The following EDIL3 variants were observed in gnomAD, a reference collection of about 807,000 sequenced individuals.
EDIL3 encodes EGF-like repeat and discoidin I-like domain-containing protein 3.
EDIL3 carries 37 observed loss-of-function variants against 67.4 expected under a neutral mutation model. The observed-to-expected ratio is 0.55, with a 90% confidence interval of 0.42 to 0.72. EDIL3 has a LOEUF of 0.72. Ranked by LOEUF, EDIL3 falls within the 30% of genes least tolerant of loss-of-function variation. The pLI is 0.00. For synonymous variants in EDIL3, 195 were observed against 196.3 expected (o/e 0.99, Z 0.05); for missense variants, 527 against 586.3 (o/e 0.90, Z 1.04).
intron 9 of EDIL3, among the ~76,000 whole-genome samples, chr5:84,002,837 A>T (rs1745354357): frequency 6.6e-6 from 1 of 152,176 alleles, no homozygotes; most frequent in East Asian, 1.9e-4. Flanking sequence ...TAGTAGGCCA[A>T]AGGTACTCTC....
intron 1 of EDIL3, among the ~76,000 whole-genome samples, chr5:84,302,215 C>CT (rs546356805): frequency 3.3e-5 from 5 of 151,860 alleles, no homozygotes; most frequent in South Asian, 2.1e-4. Flanking sequence ...TGTTTTATTG[C>CT]TTTTTTTTCT....
At chr5:84,202,063 A>G (rs1743853114) in intron 3 of EDIL3, among the ~76,000 whole-genome samples, 1 of 152,210 alleles carries the variant, frequency 6.6e-6, no homozygotes, top group African/African-American at 2.4e-5. Flanking sequence ...CAGTTCTTAA[A>G]TACACATGGT....
chr5:84,316,207 G>T (rs1746509101), intron 1 of EDIL3, among the ~76,000 whole-genome samples: 1 of 151,998 alleles, frequency 6.6e-6, no homozygotes, highest in South Asian at 2.1e-4. Flanking sequence ...ATCAACTAAT[G>T]GGCAAAATAG....
At chr5:84,018,240 G>A (rs1330924390) in intron 9 of EDIL3, among the ~76,000 whole-genome samples, 5 of 152,152 alleles carry the variant, frequency 3.3e-5, no homozygotes, top group Admixed American at 6.6e-5. Flanking sequence ...ACATCTAGGT[G>A]TGATTCTCTT....
At chr5:84,119,852 T>A (rs138201474) in intron 5 of EDIL3, among the ~76,000 whole-genome samples, 2 of 151,992 alleles carry the variant, frequency 1.3e-5, no homozygotes, top group African/African-American at 2.4e-5. Context: ...TCCCCCCAAA[T>A]TGAATAATAC....
chr5:84,064,407 A>T (rs777102844), intron 8 of EDIL3, among the ~76,000 whole-genome samples: 1 of 152,172 alleles, frequency 6.6e-6, no homozygotes, highest in African/African-American at 2.4e-5. Flanking sequence ...TATGCAAAAC[A>T]ATGAGACACA....
At chr5:84,153,342 G>A (rs1748431106) in intron 4 of EDIL3, among the ~76,000 whole-genome samples, 1 of 152,026 alleles carries the variant, frequency 6.6e-6, no homozygotes, top group South Asian at 2.1e-4. Flanking sequence ...TGTCACCCAG[G>A]CTGGAGTGCA....
chr5:83,979,663 A>AT (rs1744935833), intron 9 of EDIL3, among the ~76,000 whole-genome samples: 2 of 152,226 alleles, frequency 1.3e-5, no homozygotes, highest in Non-Finnish European at 2.9e-5. Context: ...GAACGTTTAT[A>AT]TTTTTTAACT....
intron 8 of EDIL3, among the ~76,000 whole-genome samples, chr5:84,062,036 G>A (rs1746553084): frequency 1.3e-5 from 2 of 151,986 alleles, no homozygotes; most frequent in South Asian, 2.1e-4. Context: ...TCTAGGAAAT[G>A]CATATCCTAT....
intron 1 of EDIL3, among the ~76,000 whole-genome samples, chr5:84,312,404 C>T (rs1477736849): frequency 2.8e-5 from 4 of 145,420 alleles, no homozygotes; most frequent in Admixed American, 6.7e-5. Flanking sequence ...ACCACCCTCC[C>T]GGACGGGGCG....
intron 1 of EDIL3, among the ~76,000 whole-genome samples, chr5:84,376,149 A>G (rs1436006151): frequency 6.6e-6 from 1 of 152,188 alleles, no homozygotes; most frequent in Non-Finnish European, 1.5e-5. Context: ...TTTCTCATTT[A>G]TATTTCAATA....
At chr5:84,229,599 A>C (rs1744525303) in intron 3 of EDIL3, among the ~76,000 whole-genome samples, 1 of 151,810 alleles carries the variant, frequency 6.6e-6, no homozygotes, top group Non-Finnish European at 1.5e-5. Flanking sequence ...CTTTAATGTC[A>C]ATGTGCTATT....
intron 6 of EDIL3, among the ~76,000 whole-genome samples, chr5:84,097,591 T>A (rs1045689128): frequency 6.6e-6 from 1 of 152,164 alleles, no homozygotes; most frequent in African/African-American, 2.4e-5. Context: ...ATTCAGAGCA[T>A]CCTGAAAGTA....
chr5:84,312,658 G>A (rs1465821230), intron 1 of EDIL3, among the ~76,000 whole-genome samples: 2 of 151,528 alleles, frequency 1.3e-5, no homozygotes, highest in African/African-American at 4.8e-5. Flanking sequence ...GGGCAGAGGG[G>A]CTCCTCACTT....
chr5:83,972,961 C>G (rs188365833), intron 9 of EDIL3, among the ~76,000 whole-genome samples: 56 of 152,040 alleles, frequency 3.7e-4, no homozygotes, highest in African/African-American at 1.3e-3. Flanking sequence ...AAATTGACAT[C>G]AAGTTAGGCT....
chr5:84,258,978 T>C (rs1050606727), intron 1 of EDIL3, among the ~76,000 whole-genome samples: 7 of 146,500 alleles, frequency 4.8e-5, no homozygotes, highest in Admixed American at 3.4e-4. Context: ...GTCTTTTTTT[T>C]TTTTTTTTTT....
chr5:84,269,443 C>G (rs1268159003), intron 1 of EDIL3, among the ~76,000 whole-genome samples: 2 of 151,742 alleles, frequency 1.3e-5, no homozygotes, highest in Admixed American at 6.6e-5. Context: ...GTCTAGTATC[C>G]TTTCAGAAAT....
At chr5:83,949,074 G>C (rs1335353462) in intron 10 of EDIL3, among the ~76,000 whole-genome samples, 2 of 151,794 alleles carry the variant, frequency 1.3e-5, no homozygotes, top group Non-Finnish European at 2.9e-5. Context: ...CAAAAAAGTA[G>C]GGGTTTCTGT....
chr5:83,947,267 T>G (rs2112113044), intron 10 of EDIL3, among the ~76,000 whole-genome samples: 1 of 151,930 alleles, frequency 6.6e-6, no homozygotes, highest in South Asian at 2.1e-4. Context: ...ACCACTGGCC[T>G]TACTGACTGT....
Sources: allele counts gnomAD v4.1 joint callset (sites outside exome capture counted in the v4.1 genomes callset), GRCh38; gene constraint gnomAD v4.1.1; transcripts MANE v1.5; gene names NCBI Gene and HGNC (gene_info 2026-07-23, HGNC 2026-07-21).